Variants in TMTC3 observed in about 807,000 individuals in gnomAD.
TMTC3 encodes protein O-mannosyl-transferase TMTC3.
Under a neutral mutation model 92.2 loss-of-function variants are expected in TMTC3, and 52 were observed. That is an observed-to-expected ratio of 0.56 (90% confidence interval 0.45 to 0.71). TMTC3 has a LOEUF of 0.71. Ranked by LOEUF, TMTC3 falls within the 30% of genes least tolerant of loss-of-function variation. TMTC3 has a pLI of 0.00. For synonymous variants in TMTC3, 339 were observed against 363.3 expected, an observed-to-expected ratio of 0.93 and a Z score of 0.76; for missense variants, 896 against 1,057.1, an observed-to-expected ratio of 0.85 and a Z score of 2.11.
At chr12:88,185,862 T>C (rs1434613472) in intron 10 of TMTC3, among the ~76,000 whole-genome samples, 1 of 152,114 alleles carries the variant, frequency 6.6e-6, no homozygotes, top group Non-Finnish European at 1.5e-5. Context: ...TTTCATAATG[T>C]TAAAACAACC....
chr12:88,163,156 TC>T (rs1366537379), intron 6 of TMTC3, among the ~76,000 whole-genome samples: 5 of 152,116 alleles, frequency 3.3e-5, no homozygotes, highest in Admixed American at 6.5e-5. Flanking sequence ...CCTGAGGTGA[TC>T]CGCCCACCTC....
chr12:88,166,882 A>G (rs1386028176), intron 7 of TMTC3, among the ~76,000 whole-genome samples: 4 of 152,144 alleles, frequency 2.6e-5, no homozygotes, highest in Non-Finnish European at 5.9e-5. Context: ...AACATCATAT[A>G]AGATATACAA....
intron 8 of TMTC3, 54 bp downstream of exon 8, chr12:88,172,799 A>T (rs2041220112): frequency 6.4e-7 from 1 of 1,554,414 alleles, no homozygotes. Context: ...AGTGTGACAC[A>T]TTTTAAAATT....
chr12:88,154,214 T>A, intron 3 of TMTC3, 74 bp from the exon 4 acceptor site: 1 of 1,064,846 alleles, frequency 9.4e-7, no homozygotes, highest in Non-Finnish European at 1.3e-6. Flanking sequence ...AATTAAAGTA[T>A]TTTTACCATT....
At chr12:88,185,721 A>G (rs28705052) in intron 10 of TMTC3, among the ~76,000 whole-genome samples, 1 of 148,690 alleles carries the variant, frequency 6.7e-6, no homozygotes, top group Non-Finnish European at 1.5e-5. Context: ...GCCTTTCTTA[A>G]TTCTTCATTT....
chr12:88,159,247 T>C (rs961661904), intron 4 of TMTC3, among the ~76,000 whole-genome samples: 2 of 152,204 alleles, frequency 1.3e-5, no homozygotes, highest in Non-Finnish European at 2.9e-5. Flanking sequence ...GTCAAATTAC[T>C]ACTACATGGT....
intron 6 of TMTC3, among the ~76,000 whole-genome samples, chr12:88,161,235 C>T (rs752520469): frequency 6.6e-6 from 1 of 151,976 alleles, no homozygotes; most frequent in Non-Finnish European, 1.5e-5. Context: ...TTGTTTTGTG[C>T]GTTTTTGAAG....
chr12:88,189,865 T>C (rs1028193856), intron 11 of TMTC3, among the ~76,000 whole-genome samples: 1 of 152,082 alleles, frequency 6.6e-6, no homozygotes, highest in African/African-American at 2.4e-5. Context: ...ATAAATTAGA[T>C]ATGATAAAAA....
chr12:88,142,881 G>T (rs1419263454), intron 1 of TMTC3, among the ~76,000 whole-genome samples: 1 of 152,100 alleles, frequency 6.6e-6, no homozygotes, highest in Non-Finnish European at 1.5e-5. Flanking sequence ...CTCTAGAGAG[G>T]AGAGGTTAGT....
intron 6 of TMTC3, among the ~76,000 whole-genome samples, chr12:88,163,277 C>T (rs2041101636): frequency 6.6e-6 from 1 of 152,184 alleles, no homozygotes; most frequent in East Asian, 1.9e-4. Flanking sequence ...AGACTAATTT[C>T]ACTTCACTAC....
chr12:88,189,602 A>G (rs1055433591), intron 11 of TMTC3, among the ~76,000 whole-genome samples: 5 of 152,120 alleles, frequency 3.3e-5, no homozygotes, highest in African/African-American at 4.8e-5. Context: ...ATCTCTTACT[A>G]TATTGTGTCC....
chr12:88,162,669 T>A (rs75629108), intron 6 of TMTC3, among the ~76,000 whole-genome samples: 92 of 152,308 alleles, frequency 6.0e-4, no homozygotes, highest in African/African-American at 2.2e-3. Flanking sequence ...CTCTACATGT[T>A]CTATTGCTTT....
At chr12:88,149,293 C>G (rs2040913012) in intron 2 of TMTC3, among the ~76,000 whole-genome samples, 1 of 152,070 alleles carries the variant, frequency 6.6e-6, no homozygotes, top group African/African-American at 2.4e-5. Context: ...TGGGATTAAA[C>G]CCTTATCAGC....
chr12:88,160,475 A>C (rs908953788), intron 5 of TMTC3, among the ~76,000 whole-genome samples: 1 of 152,130 alleles, frequency 6.6e-6, no homozygotes, highest in African/African-American at 2.4e-5. Flanking sequence ...AGCTTGGAAA[A>C]GTATGCAATA....
At chr12:88,182,110 C>T (rs1330819865) in intron 10 of TMTC3, among the ~76,000 whole-genome samples, 2 of 152,216 alleles carry the variant, frequency 1.3e-5, no homozygotes, top group African/African-American at 4.8e-5. Flanking sequence ...ATTGCATCAT[C>T]TGCAGCCTGT....
intron 4 of TMTC3, among the ~76,000 whole-genome samples, chr12:88,158,067 C>A (rs1427415119): frequency 1.3e-5 from 2 of 152,110 alleles, no homozygotes. Flanking sequence ...TTAAAAAATA[C>A]CTCTACAATT....
At chr12:88,157,069 G>A (rs2041021060) in intron 4 of TMTC3, among the ~76,000 whole-genome samples, 1 of 151,584 alleles carries the variant, frequency 6.6e-6, no homozygotes, top group Non-Finnish European at 1.5e-5. Context: ...CCTTCCTTAG[G>A]GTAGGTAACT....
chr12:88,143,183 TA>T (rs971428562), intron 1 of TMTC3, among the ~76,000 whole-genome samples: 12 of 149,432 alleles, frequency 8.0e-5, no homozygotes, highest in East Asian at 3.9e-4. Flanking sequence ...AACGCTGCTT[TA>T]AAAAAAAAAT....
chr12:88,151,179 T>A (rs2040938885), intron 2 of TMTC3, among the ~76,000 whole-genome samples: 1 of 152,024 alleles, frequency 6.6e-6, no homozygotes, highest in South Asian at 2.1e-4. Flanking sequence ...AGGGTGGGGC[T>A]TTTGTTTAAG....
Sources: gnomAD v4.1 joint callset for allele counts (sites outside exome capture counted in the v4.1 genomes callset) on GRCh38, gnomAD v4.1.1 for gene constraint, MANE v1.5 for transcripts, NCBI Gene and HGNC (gene_info 2026-07-23, HGNC 2026-07-21) for gene names.